GALNT13: variants seen among roughly 807,000 people sequenced by gnomAD.
GALNT13 encodes the protein UDP-GalNAc:polypeptide N-acetylgalactosaminyltransferase 13.
In GALNT13, 28 loss-of-function variants were observed where a neutral mutation model predicts 64.2. The ratio of observed to expected loss-of-function variants is 0.44; its 90% confidence interval spans 0.32 to 0.60. The LOEUF (loss-of-function observed/expected upper bound fraction) is 0.60, where lower values mean the gene tolerates loss of function less well. Ranked by LOEUF, GALNT13 falls within the 20% of genes least tolerant of loss-of-function variation. GALNT13 has a pLI of 0.05. For synonymous variants in GALNT13, 214 were observed against 224.6 expected (o/e 0.95, Z 0.42); for missense variants, 577 against 669.8 (o/e 0.86, Z 1.53).
At chr2:154,184,790 T>C (rs1686162722) in intron 4 of GALNT13, among the ~76,000 whole-genome samples, 1 of 152,134 alleles carries the variant, frequency 6.6e-6, no homozygotes, top group East Asian at 1.9e-4. Flanking sequence ...GCCAAACCTT[T>C]ACATTTTTTC....
chr2:153,115,300 C>T, the GALNT13 span, among the ~76,000 whole-genome samples: 3 of 152,020 alleles, frequency 2.0e-5, no homozygotes, highest in Non-Finnish European at 4.4e-5. Context: ...GGTAAGTCAG[C>T]AAAAGTAATG....
intron 4 of GALNT13, among the ~76,000 whole-genome samples, chr2:154,182,974 T>A (rs1360346928): frequency 1.3e-5 from 2 of 152,136 alleles, no homozygotes; most frequent in Admixed American, 1.3e-4. Context: ...ATTAGCAATA[T>A]TGGTCTGTAA....
At chr2:153,896,098 T>TTTTTTTTTTTTTTTTTTTTGAG (rs1225825969) in intron 1 of GALNT13, among the ~76,000 whole-genome samples, 1 of 148,030 alleles carries the variant, frequency 6.8e-6, no homozygotes, top group Non-Finnish European at 1.5e-5. Context: ...TGTTTTTTCC[T>TTTTTTTTTTTTTTTTTTTTGAG]AAATTAAAAA....
chr2:153,116,860 C>T, the GALNT13 span, among the ~76,000 whole-genome samples: 20,201 of 128,636 alleles, frequency 0.16, 1,600 homozygotes, highest in Middle Eastern at 0.29. Flanking sequence ...AGTGCAGGGG[C>T]GCGATCTTGG....
At chr2:153,976,316 G>T (rs1196034059) in intron 3 of GALNT13, among the ~76,000 whole-genome samples, 2 of 152,046 alleles carry the variant, frequency 1.3e-5, no homozygotes, top group African/African-American at 4.8e-5. Context: ...GGTTTCTGTA[G>T]TTCCTAAACT....
intron 12 of GALNT13, among the ~76,000 whole-genome samples, chr2:154,443,283 G>T (rs1018122162): frequency 6.6e-6 from 1 of 152,038 alleles, no homozygotes; most frequent in Non-Finnish European, 1.5e-5. Flanking sequence ...TATGTTAAAT[G>T]ATTACACTTC....
At chr2:153,633,402 T>A in the GALNT13 span, among the ~76,000 whole-genome samples, 1 of 152,124 alleles carries the variant, frequency 6.6e-6, no homozygotes, top group Non-Finnish European at 1.5e-5. Flanking sequence ...CCCATTCAGT[T>A]TACTCCCTTT....
the GALNT13 span, among the ~76,000 whole-genome samples, chr2:153,188,821 T>A: frequency 2.0e-5 from 3 of 152,136 alleles, no homozygotes; most frequent in Non-Finnish European, 2.9e-5. Flanking sequence ...ATTTCTTATA[T>A]GCAAGAAAAA....
the GALNT13 span, among the ~76,000 whole-genome samples, chr2:153,283,331 C>CATGAGAGT: frequency 2.8e-4 from 42 of 152,316 alleles, 1 homozygote; most frequent in East Asian, 7.7e-3. Context: ...ATGCCTAATT[C>CATGAGAGT]ATGAGAGTGA....
At chr2:154,440,126 A>G (rs1159213097) in intron 12 of GALNT13, among the ~76,000 whole-genome samples, 4 of 152,196 alleles carry the variant, frequency 2.6e-5, no homozygotes, top group African/African-American at 9.6e-5. Flanking sequence ...GTTTTTAAAT[A>G]AAACTTGTTC....
the GALNT13 span, among the ~76,000 whole-genome samples, chr2:153,664,284 G>A: frequency 2.0e-5 from 3 of 152,042 alleles, no homozygotes; most frequent in Non-Finnish European, 4.4e-5. Context: ...CCTTCCCCAG[G>A]GTTATTCCTT....
chr2:153,569,777 G>A, the GALNT13 span, among the ~76,000 whole-genome samples: 1 of 151,880 alleles, frequency 6.6e-6, no homozygotes, highest in African/African-American at 2.4e-5. Context: ...TCAAATAGTA[G>A]GTCTTATTCA....
chr2:154,291,256 A>G (rs1265584424), intron 8 of GALNT13, among the ~76,000 whole-genome samples: 1 of 151,934 alleles, frequency 6.6e-6, no homozygotes, highest in Non-Finnish European at 1.5e-5. Context: ...CATTTACAAT[A>G]CTTTAGCTAG....
the GALNT13 span, among the ~76,000 whole-genome samples, chr2:153,519,659 G>T: frequency 3.3e-5 from 5 of 152,050 alleles, no homozygotes; most frequent in African/African-American, 1.2e-4. Context: ...AAAAGATAGA[G>T]CAATAGGCTT....
intron 9 of GALNT13, among the ~76,000 whole-genome samples, chr2:154,308,774 C>T (rs1419152495): frequency 6.6e-6 from 1 of 151,994 alleles, no homozygotes; most frequent in Non-Finnish European, 1.5e-5. Context: ...TTTAAAGTGC[C>T]ATGTTATAAT....
the GALNT13 span, among the ~76,000 whole-genome samples, chr2:153,835,124 T>G: frequency 6.6e-6 from 1 of 152,060 alleles, no homozygotes; most frequent in African/African-American, 2.4e-5. Context: ...TTCTAGACTT[T>G]TTCCTCTTGT....
rs530341422 is a variant in GALNT13 at position 154,453,120 on chromosome 2, C to G, written c.*2569C>G. The G allele has an allele frequency of 6.6e-6, 1 of 152,298 alleles. No homozygotes were observed. Among genetic ancestry groups the G allele is most frequent in the East Asian group, 1.9e-4 (1 of 5,176 alleles). The allele number at this position is 152,298 out of a possible 1,614,324, so 9.4% of individuals were successfully genotyped here. A position where few individuals can be genotyped will look rare whatever the true frequency, so the allele number is the denominator to read the frequency against. ...CCATATCCACTAGGTGTCACTACCT[C>G]TAACCTTTTTAATCGCAATATGCTT... is the stretch of plus-strand genomic sequence containing the variant. On this transcript the variant is annotated 3_prime_UTR_variant, in exon 13 of 13. Coordinates refer to ENST00000392825, the MANE Select transcript of GALNT13 (RefSeq NM_052917.4).
the GALNT13 span, among the ~76,000 whole-genome samples, chr2:153,182,083 G>T: frequency 6.7e-6 from 1 of 148,718 alleles, no homozygotes; most frequent in Non-Finnish European, 1.5e-5. Flanking sequence ...TCGCTCTGTC[G>T]CCCAGGCTGG....
At chr2:153,452,147 C>T in the GALNT13 span, among the ~76,000 whole-genome samples, 6 of 152,088 alleles carry the variant, frequency 3.9e-5, no homozygotes, top group East Asian at 1.2e-3. Context: ...GCTCTTTTTG[C>T]CTGCTTAGAG....
Sources: gnomAD v4.1 joint callset for allele counts (sites outside exome capture counted in the v4.1 genomes callset) on GRCh38, gnomAD v4.1.1 for gene constraint, MANE v1.5 for transcripts, NCBI Gene and HGNC (gene_info 2026-07-23, HGNC 2026-07-21) for gene names.